Variants in LCP1 observed in about 807,000 individuals in gnomAD.
The protein encoded by LCP1 is plastin-2.
LCP1 carries 23 observed loss-of-function variants against 72.0 expected under a neutral mutation model. That is an observed-to-expected ratio of 0.32 (90% CI 0.23 to 0.45). The LOEUF (loss-of-function observed/expected upper bound fraction) is 0.45. LCP1 is among the 20% of genes least tolerant of loss of function. The pLI is 1.00. For missense variants in LCP1, 571 were observed against 748.3 expected, an observed-to-expected ratio of 0.76 and a Z score of 2.76; for synonymous variants, 245 against 275.4, an observed-to-expected ratio of 0.89 and a Z score of 1.09.
chr13:46,135,482 C>T (rs536121748), intron 13 of LCP1, among the ~76,000 whole-genome samples: 60 of 152,276 alleles, frequency 3.9e-4, no homozygotes, highest in African/African-American at 1.4e-3. Flanking sequence ...ACAGTTCTCC[C>T]GTGACTTTCC....
At chr13:46,160,913 TTTC>T (rs1324867168) in intron 1 of LCP1, among the ~76,000 whole-genome samples, 1 of 152,198 alleles carries the variant, frequency 6.6e-6, no homozygotes, top group Non-Finnish European at 1.5e-5. Flanking sequence ...TTTCAGTAGA[TTTC>T]TTTTTTATAT....
At chr13:46,175,791 A>G (rs2045926345) in intron 1 of LCP1, among the ~76,000 whole-genome samples, 1 of 152,220 alleles carries the variant, frequency 6.6e-6, no homozygotes, top group Non-Finnish European at 1.5e-5. Context: ...TTTATAAAGC[A>G]TTAGAAACAG....
Position 46,159,590 on chromosome 13 carries a change from T to C in LCP1, c.64+9A>G, listed in dbSNP as rs767170666. Reference sequence around the variant, plus strand: ...GAATGATGCAATTTGGGGTACCAGGTCTACTCACCAACTTTGGCAAAAGCT... The same window carrying C: ...GAATGATGCAATTTGGGGTACCAGGCCTACTCACCAACTTTGGCAAAAGCT... On this transcript the variant is annotated intron_variant, in intron 2 of 15. Coordinates refer to ENST00000323076, the MANE Select transcript of LCP1 (RefSeq NM_002298.5). 6.2e-7 allele frequency: 1 copy of C among 1,612,152 alleles called. No homozygotes were observed. The highest frequency in any genetic ancestry group is 1.1e-5 in the South Asian group (1 of 91,032).
At chr13:46,169,933 C>T (rs1265784864) in intron 1 of LCP1, among the ~76,000 whole-genome samples, 1 of 152,200 alleles carries the variant, frequency 6.6e-6, no homozygotes, top group Non-Finnish European at 1.5e-5. Flanking sequence ...TTCAGGCATC[C>T]TGTTCTGGAG....
Position 46,126,817 on chromosome 13 carries a change from A to G in LCP1, c.*774T>C, listed in dbSNP as rs1028710822. 4.3e-6 allele frequency: 1 copy of G among 231,052 alleles called. No homozygotes were observed. The highest frequency in any genetic ancestry group is 8.6e-6 in the Non-Finnish European group (1 of 116,756). 14.3% of individuals were successfully genotyped at this position (231,052 alleles called of 1,614,324 possible). A position where few individuals can be genotyped will look rare whatever the true frequency, so the allele number is the denominator to read the frequency against. ...TAAGGCTGAAGGCTCTAGAGGGCAG[A>G]GTATTCAAGATGTTAGATCTGGTCC... On this transcript the variant is annotated 3_prime_UTR_variant, in exon 16 of 16. Transcript: ENST00000323076.
chr13:46,127,656 C>T lies in LCP1; in HGVS notation c.1819G>A (p.Val607Met). ...ACGGTCATGACCATTTTGGGGTTCA[C>T]TTCAACCAGGTCTTCTGGCAGGGCA... ...VYALPEDLVE[V>M]NPKMVMTVFA... The change falls in exon 16 of 16, where the codon GTG becomes ATG. Residue 607 changes from valine (V) to methionine (M), a missense_variant. Physicochemically the swap from Val to Met is conservative, Grantham distance 21. Coordinates refer to ENST00000323076, the MANE Select transcript of LCP1 (RefSeq NM_002298.5). The T allele has an allele frequency of 6.2e-7, 1 of 1,614,188 alleles. No homozygotes were observed. The highest frequency in any genetic ancestry group is 8.5e-7 in the Non-Finnish European group (1 of 1,180,032).
chr13:46,174,050 C>CT (rs1482632749), intron 1 of LCP1, among the ~76,000 whole-genome samples: 3 of 152,204 alleles, frequency 2.0e-5, no homozygotes, highest in Non-Finnish European at 4.4e-5. Flanking sequence ...TCTCCACTCT[C>CT]TAATTCTCCA....
At chr13:46,141,268 T>C (rs2045696051) in intron 13 of LCP1, among the ~76,000 whole-genome samples, 1 of 151,824 alleles carries the variant, frequency 6.6e-6, no homozygotes, top group Non-Finnish European at 1.5e-5. Flanking sequence ...TAGCTGGGCA[T>C]GGTGGCGTGG....
At position 46,158,996 on chromosome 13, in the gene LCP1, T is replaced by C. The variant is rs747968314; in HGVS notation, c.65-7A>G. The C allele has an allele frequency of 1.9e-6, 3 of 1,613,720 alleles. No individual in the cohort carries two copies. Among genetic ancestry groups the C allele is most frequent in the South Asian group, 2.2e-5 (2 of 91,082 alleles). ...TATCCATTGCCATCAGTATCTGTAA[T>C]GTACACAATATACTGAAGCTTCAGG... is the stretch of plus-strand genomic sequence containing the variant. On this transcript the variant is annotated splice_region_variant and splice_polypyrimidine_tract_variant and intron_variant, in intron 2 of 15. Coordinates refer to ENST00000323076, the MANE Select transcript of LCP1 (RefSeq NM_002298.5).
At chr13:46,136,794 C>A (rs575565847) in intron 13 of LCP1, among the ~76,000 whole-genome samples, 1 of 152,290 alleles carries the variant, frequency 6.6e-6, no homozygotes, top group South Asian at 2.1e-4. Flanking sequence ...TAGGTCCTCT[C>A]TATATATAAC....
intron 1 of LCP1, among the ~76,000 whole-genome samples, chr13:46,171,503 CA>C (rs1287223738): frequency 4.6e-5 from 7 of 152,100 alleles, no homozygotes; most frequent in Admixed American, 4.6e-4. Flanking sequence ...AGAACACAAC[CA>C]GGCTTGATCT....
intron 13 of LCP1, 64 bp downstream of exon 13, chr13:46,142,228 T>G: frequency 6.6e-7 from 1 of 1,525,334 alleles, no homozygotes; most frequent in Non-Finnish European, 9.0e-7. Context: ...TGCTAAAAAT[T>G]TGCTAATATT....
In LCP1 at chr13:46,148,216, G is replaced by T. The variant is rs1367904549; in HGVS notation, c.978+136C>A. ...CAATTATTATCCCAAACTGCTCACA[G>T]TTTTACCGTTTTAACAGGGCTTTAG... On this transcript the variant is annotated intron_variant, in intron 9 of 15. Coordinates refer to ENST00000323076, the MANE Select transcript of LCP1 (RefSeq NM_002298.5). 1.1e-5 allele frequency: 7 copies of T among 631,300 alleles called. No individual in the cohort carries two copies. In the Admixed American group the frequency reaches 1.2e-4, roughly 11 times the overall value. 39.1% of individuals were successfully genotyped at this position (631,300 alleles called of 1,614,324 possible). A position where few individuals can be genotyped will look rare whatever the true frequency, so the allele number is the denominator to read the frequency against.
intron 1 of LCP1, among the ~76,000 whole-genome samples, chr13:46,174,222 T>C (rs1460207856): frequency 6.6e-6 from 1 of 152,222 alleles, no homozygotes; most frequent in African/African-American, 2.4e-5. Context: ...ACAAGCTTAT[T>C]TGCAGAAAAA....
chr13:46,150,719 A>C (rs545881000), intron 8 of LCP1, among the ~76,000 whole-genome samples: 1 of 152,214 alleles, frequency 6.6e-6, no homozygotes, highest in African/African-American at 2.4e-5. Flanking sequence ...GGAAACTCCA[A>C]TCGAGACACT....
chr13:46,137,664 G>A (rs1465325869), intron 13 of LCP1, among the ~76,000 whole-genome samples: 2 of 152,160 alleles, frequency 1.3e-5, no homozygotes, highest in Admixed American at 1.3e-4. Flanking sequence ...TTTTCCTTTT[G>A]AGATAATTAC....
At chr13:46,173,527 C>T (rs2045913875) in intron 1 of LCP1, among the ~76,000 whole-genome samples, 1 of 152,030 alleles carries the variant, frequency 6.6e-6, no homozygotes, top group South Asian at 2.1e-4. Flanking sequence ...AGAACAAATC[C>T]CAATTTCTAG....
At chr13:46,159,049 G>T (rs1193368352) in intron 2 of LCP1, 60 bp from the exon 3 acceptor site, 1 of 1,525,012 alleles carries the variant, frequency 6.6e-7, no homozygotes. Context: ...TTTTAGAGAG[G>T]TGAGGGAAGA....
chr13:46,128,356 C>T (rs548090096), intron 15 of LCP1, among the ~76,000 whole-genome samples: 35 of 152,306 alleles, frequency 2.3e-4, no homozygotes, highest in East Asian at 9.7e-4. Context: ...CCCAACACTT[C>T]GGGTGGCCGA....
Sources: gnomAD v4.1 joint callset for allele counts (sites outside exome capture counted in the v4.1 genomes callset) on GRCh38, gnomAD v4.1.1 for gene constraint, MANE v1.5 for transcripts, NCBI Gene and HGNC (gene_info 2026-07-23, HGNC 2026-07-21) for gene names.